EPHA5: variants seen among roughly 807,000 people sequenced by gnomAD.
EPHA5 encodes the protein ephrin type-A receptor 5.
In EPHA5, 60 loss-of-function variants were observed where a neutral mutation model predicts 105.0. That is an observed-to-expected ratio of 0.57 (90% CI 0.46 to 0.71). The LOEUF is 0.71. Ranked by LOEUF, EPHA5 falls within the 30% of genes least tolerant of loss-of-function variation. The probability of loss-of-function intolerance (pLI) is 0.00; values close to 1 mark genes in which losing one functional copy is unlikely to be tolerated. For missense variants in EPHA5, 1,218 were observed against 1,274.7 expected, an observed-to-expected ratio of 0.96 and a Z score of 0.68; for synonymous variants, 513 against 449.1, an observed-to-expected ratio of 1.14 and a Z score of -1.80.
rs369558504 is a variant in EPHA5, at chr4:65,669,357, A to G, written c.181+205T>C. ...TCCACACGCATGTTCCTTGCCCAGCACTCCGCAGCTAACGTCAAACAATGC... is the reference window on the plus strand; with the variant it reads ...TCCACACGCATGTTCCTTGCCCAGCGCTCCGCAGCTAACGTCAAACAATGC... On this transcript the variant is annotated intron_variant, in intron 1 of 16. Coordinates refer to ENST00000613740, the MANE Select transcript of EPHA5 (RefSeq NM_001281766.3). 9.7e-5 allele frequency: 94 copies of G among 972,680 alleles called. 1 individual carries two copies. In the East Asian group the frequency reaches 8.6e-3, roughly 89 times the overall value. 60.3% of individuals were successfully genotyped at this position (972,680 alleles called of 1,614,324 possible). A position where few individuals can be genotyped will look rare whatever the true frequency, so the allele number is the denominator to read the frequency against.
At chr4:65,392,975 G>T (rs1228481727) in intron 8 of EPHA5, among the ~76,000 whole-genome samples, 1 of 152,134 alleles carries the variant, frequency 6.6e-6, no homozygotes, top group Non-Finnish European at 1.5e-5. Context: ...GTGGCTGAAA[G>T]TGTTAAATTC....
intron 15 of EPHA5, among the ~76,000 whole-genome samples, chr4:65,335,511 G>A (rs2349722): frequency 0.1 from 15,123 of 151,910 alleles, 970 homozygotes; most frequent in African/African-American, 0.17. Flanking sequence ...ATACTAAAAT[G>A]TATTCTAAAT....
At chr4:65,439,821 G>T (rs572186260) in intron 5 of EPHA5, among the ~76,000 whole-genome samples, 3 of 151,996 alleles carry the variant, frequency 2.0e-5, no homozygotes, top group East Asian at 1.9e-4. Flanking sequence ...AAGGAAAGCC[G>T]AATGCTTAGG....
chr4:65,601,514 C>A, intron 3 of EPHA5, 127 bp downstream of exon 3: 1 of 966,674 alleles, frequency 1.0e-6, no homozygotes, highest in Non-Finnish European at 1.5e-6. Context: ...AAAAATAAAA[C>A]TTGAGAGAAA....
At chr4:65,595,339 A>T (rs1743065613) in intron 3 of EPHA5, among the ~76,000 whole-genome samples, 1 of 152,086 alleles carries the variant, frequency 6.6e-6, no homozygotes, top group Non-Finnish European at 1.5e-5. Flanking sequence ...ATAACAACTT[A>T]TAGAATAAGT....
chr4:65,382,098 C>A (rs1719616185), intron 8 of EPHA5, among the ~76,000 whole-genome samples: 1 of 151,746 alleles, frequency 6.6e-6, no homozygotes, highest in African/African-American at 2.4e-5. Context: ...CTAAGTGTCT[C>A]CTGTGCGGCC....
intron 5 of EPHA5, among the ~76,000 whole-genome samples, chr4:65,475,974 A>C (rs1729756865): frequency 6.6e-6 from 1 of 152,166 alleles, no homozygotes; most frequent in Non-Finnish European, 1.5e-5. Context: ...ACTGACATCA[A>C]ACAACCCTGA....
chr4:65,348,280 A>T (rs1244229771), intron 13 of EPHA5, 77 bp from the exon 14 acceptor site: 19 of 1,312,648 alleles, frequency 1.4e-5, no homozygotes, highest in Non-Finnish European at 1.8e-5. Flanking sequence ...CACTGAAAAG[A>T]TCTAGACAGA....
intron 3 of EPHA5, among the ~76,000 whole-genome samples, chr4:65,548,734 T>G (rs1737620421): frequency 6.6e-6 from 1 of 152,156 alleles, no homozygotes; most frequent in South Asian, 2.1e-4. Context: ...ACAATTACCT[T>G]CACTCTAGAG....
In EPHA5 at chr4:65,429,673, G is replaced by A. The variant is rs78896311; in HGVS notation, c.1403-9108C>T. 3.4e-3 allele frequency among the ~76,000 whole-genome samples: 524 copies of A among 151,904 alleles called. 28 individuals carry two copies. In the East Asian group the frequency reaches 0.087, roughly 25 times the overall value. On this transcript the variant is annotated intron_variant, in intron 5 of 16. Transcript: ENST00000613740. ...ACAACAGAATAATTTAATTCACTAG[G>A]AATTGTGATATTAAATTATTTATCT...
chr4:65,574,393 AAAT>A, intron 3 of EPHA5: 4 of 727,534 alleles, frequency 5.5e-6, no homozygotes, highest in Non-Finnish European at 7.6e-6. Context: ...AAAAATAAAA[AAAT>A]AAAAAAATAC....
At chr4:65,584,243 T>C (rs4434310) in intron 3 of EPHA5, among the ~76,000 whole-genome samples, 132,471 of 151,796 alleles carry the variant, frequency 0.87, 58,101 homozygotes, top group Non-Finnish European at 0.91. Context: ...ATATAATGTG[T>C]TTCTCTTCTG....
intron 8 of EPHA5, among the ~76,000 whole-genome samples, chr4:65,373,569 C>T (rs1415506107): frequency 6.6e-6 from 1 of 151,806 alleles, no homozygotes; most frequent in East Asian, 1.9e-4. Flanking sequence ...TCAAAGACAT[C>T]CTGATCCTTT....
intron 5 of EPHA5, among the ~76,000 whole-genome samples, chr4:65,487,862 G>C (rs910417536): frequency 6.6e-5 from 10 of 152,212 alleles, no homozygotes; most frequent in Admixed American, 4.6e-4. Context: ...TCCCTGTCTT[G>C]ATCAATTGAC....
intron 3 of EPHA5, among the ~76,000 whole-genome samples, chr4:65,560,090 G>T (rs1309339775): frequency 8.5e-5 from 13 of 152,048 alleles, no homozygotes; most frequent in Admixed American, 8.5e-4. Context: ...ATGTTGGGCT[G>T]GTGGGAAGAA....
chr4:65,411,240 A>T (rs1258777307), intron 7 of EPHA5, among the ~76,000 whole-genome samples: 1 of 151,318 alleles, frequency 6.6e-6, no homozygotes, highest in Non-Finnish European at 1.5e-5. Context: ...CTAAAAAAAA[A>T]GTTTTGCGTT....
At chr4:65,438,775 A>AG (rs2149080669) in intron 5 of EPHA5, among the ~76,000 whole-genome samples, 1 of 152,142 alleles carries the variant, frequency 6.6e-6, no homozygotes, top group Admixed American at 6.6e-5. Flanking sequence ...GGAAAAAAAA[A>AG]TAGCAAGAAT....
At chr4:65,514,765 A>T (rs529001502) in intron 3 of EPHA5, among the ~76,000 whole-genome samples, 1 of 152,160 alleles carries the variant, frequency 6.6e-6, no homozygotes, top group East Asian at 1.9e-4. Flanking sequence ...CTATATAACC[A>T]ATTCAATTCC....
chr4:65,462,853 A>T (rs1346160539), intron 5 of EPHA5, among the ~76,000 whole-genome samples: 1 of 152,168 alleles, frequency 6.6e-6, no homozygotes, highest in Admixed American at 6.5e-5. Context: ...GTATCTGGCC[A>T]TATTTTTATA....
Sources: gnomAD v4.1 joint callset for allele counts (sites outside exome capture counted in the v4.1 genomes callset) on GRCh38, gnomAD v4.1.1 for gene constraint, MANE v1.5 for transcripts, NCBI Gene and HGNC (gene_info 2026-07-23, HGNC 2026-07-21) for gene names.